The following TSHZ2 variants were observed in gnomAD, a reference collection of about 807,000 sequenced individuals.
The protein encoded by TSHZ2 is teashirt zinc finger homeobox 2, also known as teashirt homolog 2.
In TSHZ2, 21 loss-of-function variants were observed where a neutral mutation model predicts 74.4. The observed-to-expected ratio is 0.28, with a 90% CI of 0.20 to 0.41. The LOEUF is 0.41. Among genes scored for constraint, TSHZ2 ranks in the 10% least tolerant of loss-of-function variants. The pLI, the probability that TSHZ2 is intolerant of heterozygous loss-of-function variation, is 1.00. For missense variants in TSHZ2, 1,244 were observed against 1,293.5 expected (o/e 0.96, Z 0.59); for synonymous variants, 540 against 515.3 (o/e 1.05, Z -0.65).
chr20:53,316,381 C>G (rs896808849), intron 2 of TSHZ2, among the ~76,000 whole-genome samples: 1 of 152,108 alleles, frequency 6.6e-6, no homozygotes, highest in Non-Finnish European at 1.5e-5. Context: ...AAGAACCCTC[C>G]AGGAGCCCTC....
intron 1 of TSHZ2, chr20:53,097,568 A>G (rs1212273430): frequency 6.6e-6 from 1 of 152,202 alleles, no homozygotes; most frequent in Non-Finnish European, 1.5e-5. Context: ...GTGTCTTAAT[A>G]TTTGGCAACC....
chr20:53,142,086 G>A (rs1050645432), intron 1 of TSHZ2, among the ~76,000 whole-genome samples: 3 of 152,120 alleles, frequency 2.0e-5, no homozygotes, highest in African/African-American at 7.2e-5. Context: ...GTTGTTTGTT[G>A]TTGTTTTTGT....
At chr20:53,284,558 T>C (rs1991128368) in intron 2 of TSHZ2, among the ~76,000 whole-genome samples, 1 of 152,242 alleles carries the variant, frequency 6.6e-6, no homozygotes, top group African/African-American at 2.4e-5. Context: ...AACATAGTTG[T>C]GCTTGGATGA....
chr20:53,034,399 C>T (rs1474988251), intron 1 of TSHZ2, among the ~76,000 whole-genome samples: 1 of 152,174 alleles, frequency 6.6e-6, no homozygotes, highest in Non-Finnish European at 1.5e-5. Context: ...TGAAAATCTA[C>T]TCACTGGGCA....
chr20:53,146,877 TTATG>T (rs1228302128), intron 1 of TSHZ2, among the ~76,000 whole-genome samples: 1 of 152,164 alleles, frequency 6.6e-6, no homozygotes, highest in Non-Finnish European at 1.5e-5. Flanking sequence ...TTTAAGATCT[TTATG>T]AAAGTAGTTT....
chr20:53,451,363 T>C (rs1266249001), intron 2 of TSHZ2, among the ~76,000 whole-genome samples: 1 of 152,214 alleles, frequency 6.6e-6, no homozygotes, highest in African/African-American at 2.4e-5. Context: ...GGAGACACAA[T>C]ATGCTGGACT....
intron 1 of TSHZ2, among the ~76,000 whole-genome samples, chr20:52,992,496 G>A (rs1257194956): frequency 6.6e-6 from 1 of 152,172 alleles, no homozygotes; most frequent in African/African-American, 2.4e-5. Context: ...TCCCATAGGA[G>A]CCCCTTGTCT....
At chr20:52,977,414 G>T (rs1981383247) in intron 1 of TSHZ2, among the ~76,000 whole-genome samples, 1 of 123,464 alleles carries the variant, frequency 8.1e-6, no homozygotes, top group Non-Finnish European at 1.7e-5. Context: ...ACAAATGAAT[G>T]GAAAAATACA....
intron 2 of TSHZ2, among the ~76,000 whole-genome samples, chr20:53,265,781 C>A (rs1990703589): frequency 6.6e-6 from 1 of 152,170 alleles, no homozygotes; most frequent in Non-Finnish European, 1.5e-5. Flanking sequence ...TAATTTTGTT[C>A]TTTCTTATTC....
chr20:53,077,828 A>G (rs559054929), intron 1 of TSHZ2, among the ~76,000 whole-genome samples: 1 of 152,354 alleles, frequency 6.6e-6, no homozygotes, highest in East Asian at 1.9e-4. Context: ...AAATTTCCTG[A>G]TAGTCACTTG....
chr20:53,175,266 G>A (rs1204463561), intron 1 of TSHZ2, among the ~76,000 whole-genome samples: 2 of 147,722 alleles, frequency 1.4e-5, no homozygotes, highest in Non-Finnish European at 1.5e-5. Flanking sequence ...TCAGCCTCCC[G>A]AGTAGCTGGA....
intron 2 of TSHZ2, among the ~76,000 whole-genome samples, chr20:53,262,685 T>C (rs1990627674): frequency 6.6e-6 from 1 of 152,200 alleles, no homozygotes; most frequent in Non-Finnish European, 1.5e-5. Context: ...GGCAGTTTGT[T>C]AAATGATATG....
chr20:53,198,268 G>T (rs550486522), intron 1 of TSHZ2: 1 of 152,128 alleles, frequency 6.6e-6, no homozygotes, highest in Non-Finnish European at 1.5e-5. Context: ...GGTCATTACG[G>T]GATTTTTGTG....
intron 1 of TSHZ2, among the ~76,000 whole-genome samples, chr20:53,240,867 C>T (rs1221810422): frequency 6.6e-6 from 1 of 151,788 alleles, no homozygotes; most frequent in Non-Finnish European, 1.5e-5. Flanking sequence ...GAAAATAACC[C>T]CCAAAAGGAG....
rs375997954 is a variant in TSHZ2 at position 53,203,305 on chromosome 20, CT to C, written c.41-50193del. Among the ~76,000 whole-genome samples the C allele has an allele frequency of 3.3e-3, 505 of 151,778 alleles. 3 individuals are homozygous for C. The highest frequency in any genetic ancestry group is 0.012 in the African/African-American group (488 of 41,346). Reference sequence around the variant, plus strand: ...TGCCTCCTAGGTTCAAACAATTCTCCTGCCTCAGCTTCCTGAGTAGCAGGGA... The same window carrying C: ...TGCCTCCTAGGTTCAAACAATTCTCCGCCTCAGCTTCCTGAGTAGCAGGGA... On this transcript the variant is annotated intron_variant, in intron 1 of 2. Transcript: ENST00000371497.
intron 1 of TSHZ2, among the ~76,000 whole-genome samples, chr20:53,067,021 C>T (rs1024121924): frequency 2.0e-5 from 3 of 152,150 alleles, no homozygotes; most frequent in African/African-American, 7.2e-5. Context: ...AGAACATTAC[C>T]CAGAAAGGTA....
chr20:53,261,434 A>T (rs1040481891), intron 2 of TSHZ2, among the ~76,000 whole-genome samples: 5 of 152,234 alleles, frequency 3.3e-5, no homozygotes, highest in African/African-American at 7.2e-5. Context: ...ACCTAATATT[A>T]AAAAAGAACA....
intron 1 of TSHZ2, among the ~76,000 whole-genome samples, chr20:53,201,519 G>A (rs1484919969): frequency 1.3e-5 from 2 of 152,030 alleles, no homozygotes; most frequent in Non-Finnish European, 2.9e-5. Flanking sequence ...TCTCATTTTG[G>A]CTACCTGGAA....
chr20:53,143,879 C>G (rs1208050177), intron 1 of TSHZ2, among the ~76,000 whole-genome samples: 1 of 151,920 alleles, frequency 6.6e-6, no homozygotes, highest in Non-Finnish European at 1.5e-5. Flanking sequence ...TATGGGAGCC[C>G]GGAGTTTTAT....
Sources: gnomAD v4.1 joint callset for allele counts (sites outside exome capture counted in the v4.1 genomes callset) on GRCh38, gnomAD v4.1.1 for gene constraint, MANE v1.5 for transcripts, NCBI Gene and HGNC (gene_info 2026-07-23, HGNC 2026-07-21) for gene names.